Variants in C12orf42 observed in about 807,000 individuals in gnomAD.
The protein encoded by C12orf42 is chromosome 12 open reading frame 42, also known as uncharacterized protein C12orf42.
C12orf42 carries 25 observed loss-of-function variants against 21.6 expected under a neutral mutation model. The ratio of observed to expected loss-of-function variants is 1.16; its 90% confidence interval spans 0.84 to 1.62. C12orf42 has a LOEUF of 1.62. Among genes scored for constraint, C12orf42 ranks in the 40% most tolerant of loss-of-function variants. C12orf42 has a pLI of 0.00. For missense variants in C12orf42, 483 were observed against 459.3 expected (o/e 1.05, Z -0.47); for synonymous variants, 174 against 175.0 (o/e 0.99, Z 0.05).
chr12:103,086,440 A>G, the C12orf42 span, among the ~76,000 whole-genome samples: 1 of 151,364 alleles, frequency 6.6e-6, no homozygotes, highest in Non-Finnish European at 1.5e-5. Context: ...CCTTTAGTAC[A>G]GATAAGCTTC....
the C12orf42 span, among the ~76,000 whole-genome samples, chr12:103,150,934 G>A: frequency 4.6e-5 from 7 of 151,920 alleles, no homozygotes; most frequent in African/African-American, 1.2e-4. Context: ...TTAAAACATC[G>A]GAAGGGAGTG....
intron 2 of C12orf42, among the ~76,000 whole-genome samples, chr12:103,417,315 T>C (rs2049444536): frequency 6.6e-6 from 1 of 152,198 alleles, no homozygotes; most frequent in South Asian, 2.1e-4. Flanking sequence ...CATATTGCTC[T>C]CATCCAATCC....
intron 4 of C12orf42, among the ~76,000 whole-genome samples, chr12:103,325,899 T>TGGAGAATGAGCATC (rs1273713422): frequency 9.2e-5 from 14 of 152,060 alleles, no homozygotes; most frequent in African/African-American, 3.4e-4. Context: ...ACTTAAAGCA[T>TGGAGAATGAGCATC]GGAGAATGAG....
At chr12:103,281,087 CTGTA>C (rs1160251055) in intron 4 of C12orf42, among the ~76,000 whole-genome samples, 1 of 152,152 alleles carries the variant, frequency 6.6e-6, no homozygotes, top group Non-Finnish European at 1.5e-5. Flanking sequence ...CTTGAGTTGA[CTGTA>C]TGATTTTCTA....
chr12:103,488,475 T>G (rs11111607), intron 1 of C12orf42, among the ~76,000 whole-genome samples: 28,752 of 152,096 alleles, frequency 0.19, 2,998 homozygotes, highest in African/African-American at 0.29. Flanking sequence ...TTCTCTGTAT[T>G]TCCTGAATTT....
At chr12:103,427,479 C>G (rs547004363) in intron 2 of C12orf42, among the ~76,000 whole-genome samples, 1 of 152,138 alleles carries the variant, frequency 6.6e-6, no homozygotes, top group African/African-American at 2.4e-5. Flanking sequence ...ATTCATAAAG[C>G]AAGTTCTTAG....
the C12orf42 span, among the ~76,000 whole-genome samples, chr12:103,115,690 T>C: frequency 6.6e-6 from 1 of 152,228 alleles, no homozygotes; most frequent in African/African-American, 2.4e-5. Context: ...TTTAAGAACA[T>C]AGATATTTAT....
chr12:103,075,091 TA>T, the C12orf42 span, among the ~76,000 whole-genome samples: 1 of 151,984 alleles, frequency 6.6e-6, no homozygotes, highest in Non-Finnish European at 1.5e-5. Flanking sequence ...GTCTCAAAAC[TA>T]AAAAAACATA....
intron 4 of C12orf42, among the ~76,000 whole-genome samples, chr12:103,310,409 T>C (rs73385687): frequency 0.058 from 8,781 of 152,276 alleles, 638 homozygotes; most frequent in African/African-American, 0.17. Context: ...CACAATAGCC[T>C]TTCTGGATTT....
chr12:103,416,412 G>A (rs949402698), intron 2 of C12orf42, among the ~76,000 whole-genome samples: 2 of 152,088 alleles, frequency 1.3e-5, no homozygotes, highest in Middle Eastern at 6.8e-3. Flanking sequence ...ACATTTTCTT[G>A]AGAGCCTGGA....
At chr12:103,175,557 A>G in the C12orf42 span, among the ~76,000 whole-genome samples, 1 of 152,358 alleles carries the variant, frequency 6.6e-6, no homozygotes, top group East Asian at 1.9e-4. Context: ...ACTGCCAAAA[A>G]GAGTGGCGTG....
Position 103,371,865 on chromosome 12 carries a change from C to T in C12orf42, c.148-2867G>A, listed in dbSNP as rs142668719. On this transcript the variant is annotated intron_variant, in intron 3 of 5. Transcript: ENST00000548883. ...TTACAAAATGGGGCTAATGCTATCC[C>T]GCAACAACTATTACCCCAATTTTAC... is the stretch of plus-strand genomic sequence containing the variant. Among the ~76,000 whole-genome samples, 30 of 152,170 alleles carry T rather than the reference C, an allele frequency of 2.0e-4. 2 individuals are homozygous for T. The East Asian group carries it at 5.6e-3, about 28-fold the overall frequency.
At chr12:103,062,794 AT>A in the C12orf42 span, among the ~76,000 whole-genome samples, 65 of 149,188 alleles carry the variant, frequency 4.4e-4, no homozygotes, top group Middle Eastern at 3.4e-3. Context: ...TTAATTTTGG[AT>A]TTTTTTTTTA....
intron 4 of C12orf42, among the ~76,000 whole-genome samples, chr12:103,314,641 T>G (rs1442700945): frequency 6.8e-6 from 1 of 147,106 alleles, no homozygotes; most frequent in African/African-American, 2.7e-5. Context: ...GGAGGAAGAT[T>G]TGGATTTGAC....
At chr12:103,204,577 A>G in the C12orf42 span, among the ~76,000 whole-genome samples, 1 of 152,232 alleles carries the variant, frequency 6.6e-6, no homozygotes, top group African/African-American at 2.4e-5. Context: ...AGGTAAATTT[A>G]TCTTGCAAAG....
At chr12:103,276,660 G>A (rs2035789546) in intron 5 of C12orf42, among the ~76,000 whole-genome samples, 1 of 152,158 alleles carries the variant, frequency 6.6e-6, no homozygotes, top group African/African-American at 2.4e-5. Context: ...AAGTAAAGGT[G>A]ACCAAAAAAT....
chr12:103,235,735 C>T (rs1162441990), downstream of C12orf42, among the ~76,000 whole-genome samples: 1 of 152,068 alleles, frequency 6.6e-6, no homozygotes, highest in East Asian at 1.9e-4. Flanking sequence ...TAGAGCAGTG[C>T]CTTTCACATG....
At chr12:103,154,025 C>CAAAAAAAAAAAA in the C12orf42 span, among the ~76,000 whole-genome samples, 11 of 51,672 alleles carry the variant, frequency 2.1e-4, no homozygotes, top group East Asian at 1.1e-3. Context: ...CAAATCTCAG[C>CAAAAAAAAAAAA]AAAAAAAAAA....
the C12orf42 span, among the ~76,000 whole-genome samples, chr12:103,544,066 T>C: frequency 3.3e-5 from 5 of 151,862 alleles, no homozygotes; most frequent in East Asian, 9.7e-4. Context: ...GCTAATTTTG[T>C]TTTTATATTT....
Sources: gnomAD v4.1 joint callset for allele counts (sites outside exome capture counted in the v4.1 genomes callset) on GRCh38, gnomAD v4.1.1 for gene constraint, MANE v1.5 for transcripts, NCBI Gene and HGNC (gene_info 2026-07-23, HGNC 2026-07-21) for gene names.